The following DCST2 variants were observed in gnomAD, a reference collection of about 807,000 sequenced individuals.
DCST2 encodes DC-STAMP domain containing 2.
A neutral mutation model predicts 81.8 loss-of-function variants in DCST2; 64 were observed. That is an observed-to-expected ratio of 0.78 (90% CI 0.64 to 0.96). The LOEUF is 0.96. Ranked by LOEUF, DCST2 falls within the 40% of genes least tolerant of loss-of-function variation. The probability of loss-of-function intolerance (pLI) is 0.00; values close to 1 mark genes in which losing one functional copy is unlikely to be tolerated. For synonymous variants in DCST2, 354 were observed against 402.6 expected, an observed-to-expected ratio of 0.88 and a Z score of 1.44; for missense variants, 945 against 1,001.4, an observed-to-expected ratio of 0.94 and a Z score of 0.76.
intron 10 of DCST2, among the ~76,000 whole-genome samples, chr1:155,025,828 G>T (rs1473173040): frequency 6.6e-6 from 1 of 151,876 alleles, no homozygotes; most frequent in African/African-American, 2.4e-5. Context: ...TGGGACTACA[G>T]GCACACACCA....
intron 8 of DCST2, among the ~76,000 whole-genome samples, chr1:155,028,759 G>C (rs1051615163): frequency 6.6e-6 from 1 of 150,864 alleles, no homozygotes; most frequent in African/African-American, 2.4e-5. Flanking sequence ...TGTAGTCCCA[G>C]CTACTCAGGA....
At chr1:155,021,901 A>T (rs1017467948) in intron 14 of DCST2, among the ~76,000 whole-genome samples, 1 of 147,678 alleles carries the variant, frequency 6.8e-6, no homozygotes, top group Non-Finnish European at 1.5e-5. Context: ...TCACTCTATC[A>T]TCCAGGCTGG....
rs1660049861 is a variant in DCST2 at position 155,030,664 on chromosome 1, G to A, written c.806-19C>T. On this transcript the variant is annotated intron_variant, in intron 5 of 14. Coordinates refer to ENST00000368424, the MANE Select transcript of DCST2 (RefSeq NM_144622.3). ...ATCACGGCTGGGGCCAGCAGGTTCAGGGGAGACGTGGGCAAGGAGAGTTAG... is the reference window on the plus strand; with the variant it reads ...ATCACGGCTGGGGCCAGCAGGTTCAAGGGAGACGTGGGCAAGGAGAGTTAG... 6.2e-7 allele frequency: 1 copy of A among 1,613,218 alleles called. No homozygotes were observed. The highest frequency in any genetic ancestry group is 1.7e-5 in the Admixed American group (1 of 59,986).
chr1:155,031,827 G>A, intron 3 of DCST2, 56 bp from the exon 4 acceptor site: 1 of 1,559,090 alleles, frequency 6.4e-7, no homozygotes. Context: ...CCTCTTCTCA[G>A]GGTTTTGGGG....
Position 155,030,825 on chromosome 1 carries a change from C to T in DCST2, c.806-180G>A, listed in dbSNP as rs558114578. On this transcript the variant is annotated intron_variant, in intron 5 of 14. Coordinates refer to ENST00000368424, the MANE Select transcript of DCST2 (RefSeq NM_144622.3). ...CAAAGCCTCCACGTATCTGTGCCAT[C>T]GCCATCACATGCTCAGCACCCAGCA... 1.9e-4 allele frequency: 125 copies of T among 642,132 alleles called. 1 individual carries two copies. Among genetic ancestry groups the T allele is most frequent in the Admixed American group, 1.9e-3 (66 of 34,362 alleles). 39.8% of individuals were successfully genotyped at this position (642,132 alleles called of 1,614,324 possible). A position where few individuals can be genotyped will look rare whatever the true frequency, so the allele number is the denominator to read the frequency against.
intron 2 of DCST2, 61 bp from the exon 3 acceptor site, chr1:155,032,829 T>C (rs748137135): frequency 2.2e-5 from 32 of 1,476,166 alleles, no homozygotes; most frequent in Non-Finnish European, 3.0e-5. Flanking sequence ...GTTCTCACCA[T>C]TGCCCCTTAA....
At chr1:155,026,184 A>T in intron 10 of DCST2, 118 bp downstream of exon 10, 1 of 906,910 alleles carries the variant, frequency 1.1e-6, no homozygotes, top group Non-Finnish European at 1.7e-6. Flanking sequence ...GAGTTCAACC[A>T]GAGGAGAGCG....
Position 155,024,609 on chromosome 1 carries a change from C to T in DCST2, c.1612-7G>A, listed in dbSNP as rs113927955. Reference sequence around the variant, plus strand: ...ACAGGTAGGAGATCCTCTCCTGGTGCGGGGAGATCAGGGATGGGGTCCCAC... The same window carrying T: ...ACAGGTAGGAGATCCTCTCCTGGTGTGGGGAGATCAGGGATGGGGTCCCAC... On this transcript the variant is annotated splice_region_variant and splice_polypyrimidine_tract_variant and intron_variant, in intron 10 of 14. Coordinates refer to ENST00000368424, the MANE Select transcript of DCST2 (RefSeq NM_144622.3). 2.0e-5 allele frequency: 32 copies of T among 1,589,576 alleles called. No homozygotes were observed. Among genetic ancestry groups the T allele is most frequent in the East Asian group, 4.6e-5 (2 of 43,452 alleles).
Position 155,024,546 on chromosome 1 carries a change from A to G in DCST2, c.1668T>C (p.Ala556=), listed in dbSNP as rs761499009. ...VLLSRRTNLL[A]ALHRSVRRRA... ...GCCGCCTCACTGATCGGTGCAGGGC[A>G]GCCAACAGATTGGTTCGGCGGCTCA... Residue 556 remains alanine, a synonymous_variant, in exon 11 of 15, where the codon GCT becomes GCC. Transcript: ENST00000368424. The G allele has an allele frequency of 4.5e-5, 72 of 1,609,042 alleles. No homozygotes were observed. Among genetic ancestry groups the G allele is most frequent in the Non-Finnish European group, 6.0e-5 (71 of 1,177,690 alleles).
rs969197434 is a variant in DCST2 at position 155,020,058 on chromosome 1, C to A, written c.2106-1298G>T. Among the ~76,000 whole-genome samples, 3 of 152,306 alleles carry A rather than the reference C, an allele frequency of 2.0e-5. 1 individual carries two copies. Among genetic ancestry groups the A allele is most frequent in the African/African-American group, 4.8e-5 (2 of 41,570 alleles). On this transcript the variant is annotated intron_variant, in intron 14 of 14. Transcript: ENST00000368424. ...TGCTCAGGGGAACCTATACTCTCCC[C>A]CTCTGCCTCTGCCAGCCTGCTCCTT...
chr1:155,032,364 G>T (rs902188618), intron 3 of DCST2, among the ~76,000 whole-genome samples: 1 of 151,362 alleles, frequency 6.6e-6, no homozygotes, highest in African/African-American at 2.4e-5. Flanking sequence ...ACAGTGGCAC[G>T]ATCATAGCTC....
rs768674583 is a variant in DCST2, at chr1:155,024,536, G to T, written c.1678C>A (p.Arg560=). The change falls in exon 11 of 15, where the codon CGA becomes AGA. Residue 560 remains arginine (R), a synonymous_variant. Transcript: ENST00000368424. ...TCAGCCGCCCGCCGCCTCACTGATC[G>T]GTGCAGGGCAGCCAACAGATTGGTT... ...RRTNLLAALH[R]SVRRRAADQG... is the part of the protein sequence containing the mutation. 3.1e-6 allele frequency: 5 copies of T among 1,608,424 alleles called. No individual in the cohort carries two copies. Among genetic ancestry groups the T allele is most frequent in the South Asian group, 1.1e-5 (1 of 89,512 alleles).
At chr1:155,025,486 G>T (rs563638267) in intron 10 of DCST2, among the ~76,000 whole-genome samples, 115 of 151,910 alleles carry the variant, frequency 7.6e-4, no homozygotes, top group Non-Finnish European at 1.1e-3. Context: ...GTGCCACCAC[G>T]CCCGGCTAAT....
rs370200297 is a variant in DCST2, at chr1:155,018,720, C to A, written c.2146G>T (p.Gly716Trp). 1.2e-6 allele frequency: 2 copies of A among 1,613,684 alleles called. No homozygotes were observed. The change falls in exon 15 of 15, where the codon GGG becomes TGG. Residue 716 changes from glycine (G) to tryptophan (W), a missense_variant. Transcript: ENST00000368424. ...TGGGCTTCAGGTAAGGGCTGCTGCC[C>A]GTGCTTCCTCTGCTGAGGCCCCTTC... Reference protein sequence around the residue: ...EEKGPQQRKHGQQPLPEAHQP... With the variant: ...EEKGPQQRKHWQQPLPEAHQP...
At chr1:155,031,259 T>G (rs1318022416) in intron 4 of DCST2, 25 bp from the exon 5 acceptor site, 15 of 1,552,802 alleles carry the variant, frequency 9.7e-6, no homozygotes, top group Non-Finnish European at 1.3e-5. Context: ...CGGCTGAGTG[T>G]CGGAAGGAGG....
At chr1:155,018,838 C>G (rs1659658438) in intron 14 of DCST2, 78 bp from the exon 15 acceptor site, 1 of 1,421,504 alleles carries the variant, frequency 7.0e-7, no homozygotes, top group African/African-American at 1.4e-5. Flanking sequence ...CTGCCCTGCC[C>G]CATCTGTTCA....
At chr1:155,019,348 T>C (rs1445370634) in intron 14 of DCST2, among the ~76,000 whole-genome samples, 1 of 152,246 alleles carries the variant, frequency 6.6e-6, no homozygotes. Context: ...ATGCCGGCTC[T>C]GGACTCCTGC....
Position 155,033,427 on chromosome 1 carries a change from A to C in DCST2, c.268+7T>G. 2 of 1,611,288 alleles carry C rather than the reference A, an allele frequency of 1.2e-6. No individual in the cohort carries two copies. Among genetic ancestry groups the C allele is most frequent in the South Asian group, 2.2e-5 (2 of 90,944 alleles). On this transcript the variant is annotated splice_region_variant and intron_variant, in intron 1 of 14. Coordinates refer to ENST00000368424, the MANE Select transcript of DCST2 (RefSeq NM_144622.3). The stretch of plus-strand genomic sequence containing the variant: ...ACCTGCCCCCTAGCCCTGGGTGCCA[A>C]GCTCACTGGAGAAGGCCTGAGGCAG...
chr1:155,031,848 C>A, intron 3 of DCST2, 77 bp from the exon 4 acceptor site: 1 of 1,448,852 alleles, frequency 6.9e-7, no homozygotes. Context: ...AACAATACCA[C>A]AGTATCCAGG....
Sources: allele counts gnomAD v4.1 joint callset (sites outside exome capture counted in the v4.1 genomes callset), GRCh38; gene constraint gnomAD v4.1.1; transcripts MANE v1.5; gene names NCBI Gene and HGNC (gene_info 2026-07-23, HGNC 2026-07-21).